HAL: variants seen among roughly 807,000 people sequenced by gnomAD.
The protein encoded by HAL is histidase.
A neutral mutation model predicts 81.1 loss-of-function variants in HAL; 85 were observed. The ratio of observed to expected loss-of-function variants is 1.05; its 90% confidence interval spans 0.88 to 1.25. The LOEUF is 1.25. Ranked by LOEUF, HAL falls within the 50% of genes most tolerant of loss-of-function variation. The pLI, the probability that HAL is intolerant of heterozygous loss-of-function variation, is 0.00. For synonymous variants in HAL, 301 were observed against 309.2 expected (o/e 0.97, Z 0.28); for missense variants, 798 against 836.6 (o/e 0.95, Z 0.57).
chr12:95,977,755 G>A (rs78972849), intron 18 of HAL, among the ~76,000 whole-genome samples, 189 bp downstream of exon 18: 1 of 151,858 alleles, frequency 6.6e-6, no homozygotes, highest in Non-Finnish European at 1.5e-5. Flanking sequence ...TGGAGGGTTC[G>A]TTAAACACAG....
chr12:95,974,261 T>C lies in HAL; in HGVS notation c.1945A>G (p.Thr649Ala), dbSNP rs1308496340. The C allele has an allele frequency of 4.3e-6, 7 of 1,614,058 alleles. No individual in the cohort carries two copies. The highest frequency in any genetic ancestry group is 1.7e-4 in the Middle Eastern group (1 of 6,060). ...AGGTCCTCAGACTCCGGGATTTTGG[T>C]GGATTTCTTGTGCAGAAATTGCAGT... ...FSLQFLHKKS[T>A]KIPESEDL The change falls in exon 21 of 21, where the codon ACC becomes GCC. Residue 649 changes from threonine to alanine, a missense_variant. Coordinates refer to ENST00000261208, the MANE Select transcript of HAL (RefSeq NM_002108.4).
intron 17 of HAL, among the ~76,000 whole-genome samples, chr12:95,979,608 G>C (rs985665984): frequency 2.6e-5 from 4 of 152,150 alleles, no homozygotes; most frequent in Admixed American, 1.3e-4. Flanking sequence ...TAAAGTAAAG[G>C]ATGCCCAGTT....
In HAL at chr12:95,995,774, G is replaced by A. The variant is rs747007872; in HGVS notation, c.137C>T (p.Thr46Ile). 4 of 1,613,700 alleles carry A rather than the reference G, an allele frequency of 2.5e-6. No homozygotes were observed. Among genetic ancestry groups the A allele is most frequent in the Admixed American group, 3.3e-5 (2 of 60,034 alleles). The change falls in exon 2 of 21, where the codon ACC (threonine) becomes ATC (isoleucine). Residue 46 changes from threonine to isoleucine, a missense_variant. Thr to Ile is a moderately conservative substitution (Grantham distance 89). Transcript: ENST00000261208. ...AAGGAAGTGCGCGTCATCCACGGAG[G>A]TGAAGCCACCATTGTCGGGCTTATT... ...IKNKPDNGGF[T>I]SVDDAHFLVR... is the part of the protein sequence containing the mutation.
At chr12:95,984,605 ATCTG>A (rs1415755813) in intron 14 of HAL, among the ~76,000 whole-genome samples, 3 of 152,248 alleles carry the variant, frequency 2.0e-5, no homozygotes, top group African/African-American at 7.2e-5. Context: ...GGAAGTAATT[ATCTG>A]TCTGTGTGAT....
In HAL at chr12:95,972,713, C is replaced by A. The variant is rs1379216121; in HGVS notation, c.*1519G>T. ...GTTTCCCTTGAAGTTCCCTTGAAGG[C>A]GTGTGCTGTCAGTTACTAATAGAGC... On this transcript the variant is annotated 3_prime_UTR_variant, in exon 21 of 21. Transcript: ENST00000261208. The A allele has an allele frequency of 6.6e-6, 1 of 152,128 alleles. No homozygotes were observed. Among genetic ancestry groups the A allele is most frequent in the African/African-American group, 2.4e-5 (1 of 41,418 alleles). 9.4% of individuals were successfully genotyped at this position (152,128 alleles called of 1,614,324 possible).
At chr12:95,986,883 C>G (rs1345873224) in intron 12 of HAL, among the ~76,000 whole-genome samples, 184 bp downstream of exon 12, 1 of 152,116 alleles carries the variant, frequency 6.6e-6, no homozygotes, top group Non-Finnish European at 1.5e-5. Context: ...AATTGCAGTT[C>G]TTTCAAAGAT....
chr12:95,995,918 C>G lies in HAL; in HGVS notation c.-8G>C, dbSNP rs1165329314. On this transcript the variant is annotated 5_prime_UTR_variant, in exon 2 of 21. Transcript: ENST00000261208. ...CACCGTGTATCTGGGCATGGCTCCGCTGCAGCCTGAGGTCCTCAGCTGGTC... is the reference window on the plus strand; with the variant it reads ...CACCGTGTATCTGGGCATGGCTCCGGTGCAGCCTGAGGTCCTCAGCTGGTC... The G allele has an allele frequency of 6.2e-7, 1 of 1,602,206 alleles. No individual in the cohort carries two copies.
intron 20 of HAL, 72 bp from the exon 21 acceptor site, chr12:95,974,444 C>T (rs938372226): frequency 8.0e-5 from 108 of 1,353,742 alleles, no homozygotes; most frequent in Non-Finnish European, 1.0e-4. Context: ...ACATCAACTT[C>T]ATCCGAAGTC....
intron 20 of HAL, among the ~76,000 whole-genome samples, chr12:95,974,720 GT>G (rs35152917): frequency 0.094 from 14,225 of 151,994 alleles, 958 homozygotes; most frequent in African/African-American, 0.19. Context: ...TACCTATGTG[GT>G]TTTTTTCTTG....
Position 95,992,777 on chromosome 12 carries a change from C to A in HAL, c.618G>T (p.Arg206Ser), listed in dbSNP as rs753771202. Residue 206 changes from arginine (R) to serine (S), a missense_variant, in exon 9 of 21, where the codon AGG (arginine) becomes AGT (serine). Physicochemically the swap from Arg to Ser is moderately radical, Grantham distance 110 (BLOSUM62 -1). Coordinates refer to ENST00000261208, the MANE Select transcript of HAL (RefSeq NM_002108.4). ...SGVGKPLSPE[R>S]CRMLLALRIN... Reference sequence around the variant, plus strand: ...TCCTTAAAGCCAAGAGCATCCGACACCTCTCAGGACTTAGTGGTTTCCCAA... The same window carrying A: ...TCCTTAAAGCCAAGAGCATCCGACAACTCTCAGGACTTAGTGGTTTCCCAA... 2.5e-6 allele frequency: 4 copies of A among 1,613,040 alleles called. No homozygotes were observed. The highest frequency in any genetic ancestry group is 3.4e-6 in the Non-Finnish European group (4 of 1,179,030).
chr12:95,986,942 A>G, intron 12 of HAL, 125 bp downstream of exon 12: 1 of 813,620 alleles, frequency 1.2e-6, no homozygotes. Flanking sequence ...GGTACGCCAC[A>G]GGCACTTGGG....
rs1950032010 is a variant in HAL at position 95,995,990 on chromosome 12, A to G, written c.-80T>C. ...CAGGAGTGGCTACCGGGGTGTGGTC[A>G]GCTGGAAGGATGAGAATAGACTTTC... On this transcript the variant is annotated splice_region_variant and 5_prime_UTR_variant, in exon 2 of 21. Coordinates refer to ENST00000261208, the MANE Select transcript of HAL (RefSeq NM_002108.4). The G allele has an allele frequency of 4.2e-6, 6 of 1,431,426 alleles. No individual in the cohort carries two copies. Among genetic ancestry groups the G allele is most frequent in the Non-Finnish European group, 1.9e-6 (2 of 1,035,468 alleles). The allele number at this position is 1,431,426 out of a possible 1,614,324, so 88.7% of individuals were successfully genotyped here.
Position 95,994,194 on chromosome 12 carries a change from C to T in HAL, c.337-30G>A, listed in dbSNP as rs750480827. Reference sequence around the variant, plus strand: ...ACAAAAGAAGGGGATCTCAGTGAGTCTGAACAGCTTGATTATTCTAACCAG... The same window carrying T: ...ACAAAAGAAGGGGATCTCAGTGAGTTTGAACAGCTTGATTATTCTAACCAG... On this transcript the variant is annotated intron_variant, in intron 4 of 20. Transcript: ENST00000261208. 4 of 1,489,508 alleles carry T rather than the reference C, an allele frequency of 2.7e-6. No individual in the cohort carries two copies. In the Admixed American group the frequency reaches 5.0e-5, roughly 19 times the overall value. The allele number at this position is 1,489,508 out of a possible 1,614,324, so 92.3% of individuals were successfully genotyped here. A position where few individuals can be genotyped will look rare whatever the true frequency, so the allele number is the denominator to read the frequency against.
At chr12:95,974,440 A>G (rs2080691290) in intron 20 of HAL, 68 bp from the exon 21 acceptor site, 1 of 1,396,178 alleles carries the variant, frequency 7.2e-7, no homozygotes, top group Non-Finnish European at 1.0e-6. Flanking sequence ...TTAAACATCA[A>G]CTTCATCCGA....
At chr12:95,975,830 C>T (rs998962000) in intron 20 of HAL, among the ~76,000 whole-genome samples, 4 of 152,130 alleles carry the variant, frequency 2.6e-5, no homozygotes, top group Admixed American at 1.3e-4. Context: ...ACATAACACC[C>T]ACAAGTTATT....
rs1950002843 is a variant in HAL, at chr12:95,993,999, C to G, written c.412-1G>C. The stretch of plus-strand genomic sequence containing the variant: ...CCCTCTTCTCAGCTGTTGGGGTGAG[C>G]TAGGAAAATGTTGATCAGAACTGAG... On this transcript the variant is annotated splice_acceptor_variant, in intron 5 of 20. Transcript: ENST00000261208. LOFTEE classifies it high-confidence loss of function. 6.2e-7 allele frequency: 1 copy of G among 1,611,684 alleles called. No homozygotes were observed. The highest frequency in any genetic ancestry group is 8.5e-7 in the Non-Finnish European group (1 of 1,177,822).
rs1459751330 is a variant in HAL, at chr12:95,980,671, C to G, written c.1404G>C (p.Glu468Asp). 6.2e-7 allele frequency: 1 copy of G among 1,613,992 alleles called. No individual in the cohort carries two copies. The highest frequency in any genetic ancestry group is 8.5e-7 in the Non-Finnish European group (1 of 1,179,956). ...GATTGCAGAGCCGCTCGATTCTTCT[C>G]TCACTGATTGCAGCAAGTTCATGGA... ...IGIHELAAIS[E>D]RRIERLCNPS... The change falls in exon 17 of 21, where the codon GAG becomes GAC. Residue 468 changes from glutamate to aspartate, a missense_variant. Coordinates refer to ENST00000261208, the MANE Select transcript of HAL (RefSeq NM_002108.4).
chr12:95,983,822 A>G, intron 15 of HAL, 89 bp downstream of exon 15: 1 of 771,276 alleles, frequency 1.3e-6, no homozygotes, highest in South Asian at 1.4e-5. Context: ...AATGGAACTG[A>G]GAAGCTACAC....
At chr12:95,990,612 G>T in intron 9 of HAL, 80 bp from the exon 10 acceptor site, 1 of 1,163,582 alleles carries the variant, frequency 8.6e-7, no homozygotes, top group Non-Finnish European at 1.3e-6. Context: ...TGCCCCCACT[G>T]CCCCCGCAAA....
Sources: allele counts gnomAD v4.1 joint callset (sites outside exome capture counted in the v4.1 genomes callset), GRCh38; gene constraint gnomAD v4.1.1; transcripts MANE v1.5; gene names NCBI Gene and HGNC (gene_info 2026-07-23, HGNC 2026-07-21).